The following CAB39L variants were observed in gnomAD, a reference collection of about 807,000 sequenced individuals.
CAB39L encodes the protein calcium-binding protein 39-like.
In CAB39L, 23 loss-of-function variants were observed where a neutral mutation model predicts 39.1. That is an observed-to-expected ratio of 0.59 (90% CI 0.42 to 0.83). The LOEUF (loss-of-function observed/expected upper bound fraction) is 0.83. CAB39L is among the 40% of genes least tolerant of loss of function. CAB39L has a pLI of 0.00. For missense variants in CAB39L, 366 were observed against 391.9 expected, an observed-to-expected ratio of 0.93 and a Z score of 0.56; for synonymous variants, 126 against 137.2, an observed-to-expected ratio of 0.92 and a Z score of 0.57.
At chr13:49,318,057 A>C (rs1041784375) in intron 10 of CAB39L, among the ~76,000 whole-genome samples, 3 of 152,178 alleles carry the variant, frequency 2.0e-5, no homozygotes, top group Admixed American at 2.0e-4. Context: ...CAAAATCACA[A>C]TGAGATACCA....
intron 3 of CAB39L, among the ~76,000 whole-genome samples, chr13:49,386,858 C>G (rs563342831): frequency 3.4e-4 from 51 of 151,952 alleles, no homozygotes; most frequent in Non-Finnish European, 6.0e-4. Flanking sequence ...AAACACCTCC[C>G]CCACTCCAAG....
chr13:49,409,131 A>G (rs912405582), intron 3 of CAB39L, among the ~76,000 whole-genome samples: 1 of 152,170 alleles, frequency 6.6e-6, no homozygotes, highest in African/African-American at 2.4e-5. Flanking sequence ...GACAAAAGAC[A>G]GGCAGGGACC....
chr13:49,376,814 G>C (rs1169611416), intron 5 of CAB39L, 153 bp downstream of exon 5: 1 of 575,518 alleles, frequency 1.7e-6, no homozygotes, highest in Non-Finnish European at 2.8e-6. Flanking sequence ...GTAAAAAATA[G>C]ATTAATTGTA....
intron 6 of CAB39L, 99 bp downstream of exon 6, chr13:49,359,615 C>T: frequency 1.6e-6 from 1 of 634,856 alleles, no homozygotes; most frequent in Non-Finnish European, 2.8e-6. Flanking sequence ...TACTGCAGTT[C>T]CAAAAGGGAA....
chr13:49,343,885 T>C (rs1293617841), intron 8 of CAB39L, among the ~76,000 whole-genome samples: 1 of 152,168 alleles, frequency 6.6e-6, no homozygotes, highest in Admixed American at 6.5e-5. Flanking sequence ...CTCTTCCTTT[T>C]GGAGTTACCT....
At chr13:49,381,610 T>C (rs1956255003) in intron 4 of CAB39L, among the ~76,000 whole-genome samples, 1 of 152,240 alleles carries the variant, frequency 6.6e-6, no homozygotes, top group South Asian at 2.1e-4. Flanking sequence ...TATGGATCAG[T>C]ACATTACCCC....
At chr13:49,343,878 T>C (rs1406859377) in intron 8 of CAB39L, among the ~76,000 whole-genome samples, 1 of 152,178 alleles carries the variant, frequency 6.6e-6, no homozygotes, top group Non-Finnish European at 1.5e-5. Flanking sequence ...TGGGGTTCTC[T>C]TCCTTTTGGA....
chr13:49,402,047 G>A (rs17402485), intron 3 of CAB39L, among the ~76,000 whole-genome samples: 1,643 of 152,050 alleles, frequency 0.011, 16 homozygotes, highest in Middle Eastern at 0.024. Flanking sequence ...GTTATAAAAG[G>A]GAAAATTATA....
intron 1 of CAB39L, among the ~76,000 whole-genome samples, chr13:49,434,665 G>A (rs9888535): frequency 0.018 from 2,810 of 151,956 alleles, 57 homozygotes; most frequent in African/African-American, 0.048. Flanking sequence ...GGACCAGCCT[G>A]AGCAATATGG....
intron 3 of CAB39L, among the ~76,000 whole-genome samples, chr13:49,400,514 C>T (rs9596096): frequency 0.69 from 104,910 of 151,426 alleles, 36,663 homozygotes; most frequent in Middle Eastern, 0.86. Context: ...TAAGATTATA[C>T]GAGAGGAAAG....
intron 9 of CAB39L, among the ~76,000 whole-genome samples, chr13:49,334,824 A>G (rs890388592): frequency 1.3e-5 from 2 of 152,156 alleles, no homozygotes; most frequent in African/African-American, 4.8e-5. Context: ...TTACATATAT[A>G]TATCCTCAAG....
chr13:49,320,390 T>C (rs1006493040), intron 10 of CAB39L, among the ~76,000 whole-genome samples: 3 of 152,218 alleles, frequency 2.0e-5, no homozygotes, highest in African/African-American at 7.2e-5. Context: ...GCCTGAGAGA[T>C]GTGATCTGTG....
chr13:49,387,325 A>C (rs1956387952), intron 3 of CAB39L, among the ~76,000 whole-genome samples: 1 of 152,204 alleles, frequency 6.6e-6, no homozygotes, highest in Non-Finnish European at 1.5e-5. Flanking sequence ...AGGTGGCAGG[A>C]AAGTAATTTT....
intron 5 of CAB39L, among the ~76,000 whole-genome samples, chr13:49,368,531 A>G: frequency 6.6e-6 from 1 of 152,200 alleles, no homozygotes; most frequent in Admixed American, 6.5e-5. Context: ...CTGGACTCAG[A>G]AGTGGCCAGA....
At chr13:49,404,128 G>A (rs1438267363) in intron 3 of CAB39L, among the ~76,000 whole-genome samples, 1 of 152,194 alleles carries the variant, frequency 6.6e-6, no homozygotes, top group African/African-American at 2.4e-5. Context: ...AGTCCTAGCA[G>A]TGGTGGTCAC....
At chr13:49,326,851 T>C (rs1954517192) in intron 10 of CAB39L, among the ~76,000 whole-genome samples, 1 of 152,222 alleles carries the variant, frequency 6.6e-6, no homozygotes, top group African/African-American at 2.4e-5. Context: ...TTTCCTTCTA[T>C]ATATAATACT....
intron 3 of CAB39L, among the ~76,000 whole-genome samples, chr13:49,421,747 G>GT (rs1957174280): frequency 1.3e-5 from 2 of 152,016 alleles, no homozygotes; most frequent in Admixed American, 6.6e-5. Context: ...CTACCCAGCA[G>GT]TAACAAGCAA....
At chr13:49,345,301 T>G (rs1955115879) in intron 7 of CAB39L, among the ~76,000 whole-genome samples, 1 of 152,238 alleles carries the variant, frequency 6.6e-6, no homozygotes, top group Non-Finnish European at 1.5e-5. Context: ...TTTAATTTTT[T>G]AAAAAGTAAA....
At chr13:49,443,551 T>C (rs1381460992) in intron 1 of CAB39L, among the ~76,000 whole-genome samples, 1 of 152,182 alleles carries the variant, frequency 6.6e-6, no homozygotes, top group African/African-American at 2.4e-5. Flanking sequence ...CCCCTTCCAC[T>C]ACTAGCTTTG....
Sources: allele counts gnomAD v4.1 joint callset (sites outside exome capture counted in the v4.1 genomes callset), GRCh38; gene constraint gnomAD v4.1.1; transcripts MANE v1.5; gene names NCBI Gene and HGNC (gene_info 2026-07-23, HGNC 2026-07-21).